KLK4: variants seen among roughly 807,000 people sequenced by gnomAD.
KLK4 encodes the protein kallikrein related peptidase 4.
A neutral mutation model predicts 24.3 loss-of-function variants in KLK4; 24 were observed. That is an observed-to-expected ratio of 0.99 (90% CI 0.72 to 1.39). The LOEUF is 1.39. KLK4 is among the 40% of genes most tolerant of loss of function. The probability of loss-of-function intolerance (pLI) is 0.00; values close to 1 mark genes in which losing one functional copy is unlikely to be tolerated. For missense variants in KLK4, 344 were observed against 327.4 expected (o/e 1.05, Z -0.39); for synonymous variants, 142 against 138.8 (o/e 1.02, Z -0.16).
chr19:50,909,353 C>A, exon 3 of KLK4: 2 of 1,614,214 alleles, frequency 1.2e-6, no homozygotes, highest in Non-Finnish European at 1.7e-6. Context: ...GCCAGGGCTG[C>A]GAGTGCGGGC....
intron 3 of KLK4, 114 bp from the exon 4 acceptor site, chr19:50,908,943 A>G (rs1472332480): frequency 6.5e-7 from 1 of 1,539,530 alleles, no homozygotes; most frequent in South Asian, 1.2e-5. Context: ...CCTCTTCGCT[A>G]AACACCCTAA....
intron 5 of KLK4, chr19:50,907,894 A>C: frequency 4.1e-6 from 1 of 245,884 alleles, no homozygotes; most frequent in South Asian, 5.6e-5. Flanking sequence ...ACAATTTAAA[A>C]AAATTCACAG....
chr19:50,908,195 T>A (rs1250264966), intron 5 of KLK4, 164 bp downstream of exon 5: 4 of 827,746 alleles, frequency 4.8e-6, no homozygotes, highest in Non-Finnish European at 5.9e-6. Flanking sequence ...TTCTCTTTAT[T>A]CCTGTGTTTA....
In KLK4 at chr19:50,911,013, C is replaced by T. The variant is rs1278970627; in HGVS notation, c.-11-264G>A. Among the ~76,000 whole-genome samples the T allele has an allele frequency of 2.0e-5, 3 of 152,086 alleles. No individual in the cohort carries two copies. The East Asian group carries it at 5.8e-4, about 29-fold the overall frequency. Reference sequence around the variant, plus strand: ...GGAAAGTTTAGAGAAAGCATCTAGCCATCTGTGAATGGGGAGAGATGGTGT... The same window carrying T: ...GGAAAGTTTAGAGAAAGCATCTAGCTATCTGTGAATGGGGAGAGATGGTGT... On this transcript the variant is annotated intron_variant, in intron 1 of 5. Transcript: ENST00000324041.
chr19:50,909,124 C>G, intron 3 of KLK4, 128 bp downstream of exon 3: 2 of 1,567,988 alleles, frequency 1.3e-6, no homozygotes, highest in Non-Finnish European at 1.7e-6. Flanking sequence ...CTCCCCGGAT[C>G]CAGGCTCATT....
rs140350753 is a variant in KLK4 at position 50,907,002 on chromosome 19, C to T, written c.697G>A (p.Val233Met). 1.7e-3 allele frequency: 2,748 copies of T among 1,614,134 alleles called. 3 individuals are homozygous for T. The highest frequency in any genetic ancestry group is 2.2e-3 in the Non-Finnish European group (2,541 of 1,180,022). Reference sequence around the variant, plus strand: ...CAGAGGTTGGTGTAGACACCTGGCACGCCAACTTGGCCACACGGGGCTTTT... The same window carrying T: ...CAGAGGTTGGTGTAGACACCTGGCATGCCAACTTGGCCACACGGGGCTTTT... Residue 233 changes from valine to methionine, a missense_variant, in exon 6 of 6, where the codon GTG (valine) becomes ATG (methionine). Coordinates refer to ENST00000324041, the Ensembl canonical transcript of KLK4.
chr19:50,906,543 G>C (rs1339290581), exon 6 of KLK4: 1 of 310,890 alleles, frequency 3.2e-6, no homozygotes, highest in African/African-American at 2.3e-5. Context: ...GAGGGGTTGG[G>C]GGCCTGGACC....
chr19:50,910,570 C>T lies in KLK4; in HGVS notation c.61+108G>A, dbSNP rs995588606. Reference sequence around the variant, plus strand: ...GGGGACGGATAACACGGTACCGTCTCACAGGCAGCTTTGCAGTCACAAGCA... The same window carrying T: ...GGGGACGGATAACACGGTACCGTCTTACAGGCAGCTTTGCAGTCACAAGCA... On this transcript the variant is annotated intron_variant, in intron 2 of 5. Coordinates refer to ENST00000324041, the Ensembl canonical transcript of KLK4. The surrounding 1 kb of genome is among the most constrained non-coding windows in gnomAD (Gnocchi z 4.4). 3 of 1,012,396 alleles carry T rather than the reference C, an allele frequency of 3.0e-6. No individual in the cohort carries two copies. Among genetic ancestry groups the T allele is most frequent in the Non-Finnish European group, 4.6e-6 (3 of 655,304 alleles). 62.7% of individuals were successfully genotyped at this position (1,012,396 alleles called of 1,614,324 possible).
At chr19:50,907,015 A>G (rs1458341093) in exon 6 of KLK4, 15 of 1,614,098 alleles carry the variant, frequency 9.3e-6, no homozygotes, top group South Asian at 1.1e-5. Flanking sequence ...CAACTTGGCC[A>G]CACGGGGCTT....
At chr19:50,909,257 G>C in exon 3 of KLK4, 1 of 1,614,122 alleles carries the variant, frequency 6.2e-7, no homozygotes, top group Non-Finnish European at 8.5e-7. Context: ...CTCACTTCTG[G>C]AAACAGTGTG....
In KLK4 at chr19:50,910,643, A is replaced by G; in HGVS notation, c.61+35T>C. The G allele has an allele frequency of 7.8e-6, 12 of 1,542,906 alleles. No homozygotes were observed. Among genetic ancestry groups the G allele is most frequent in the Non-Finnish European group, 1.1e-5 (12 of 1,138,694 alleles). On this transcript the variant is annotated intron_variant, in intron 2 of 5. Transcript: ENST00000324041. This position sits in a 1 kb window ranked among gnomAD's most constrained non-coding sequence, Gnocchi z 4.4. ...AACATTAACAAACACTGTGCCCCCA[A>G]GCACGGACAGACACACACACGCATA...
Position 50,910,681 on chromosome 19 carries a change from C to T in KLK4, c.58G>A (p.Ala20Thr), listed in dbSNP as rs144285392. The T allele has an allele frequency of 6.2e-5, 97 of 1,555,010 alleles. No individual in the cohort carries two copies. In the African/African-American group the frequency reaches 6.5e-4, roughly 10 times the overall value. The change falls in exon 2 of 6, where the codon GCA (alanine) becomes ACA (threonine). Residue 20 changes from alanine (A) to threonine (T), a missense_variant. Ala to Thr is a moderately conservative substitution (Grantham distance 58). Coordinates refer to ENST00000324041, the Ensembl canonical transcript of KLK4. The surrounding 1 kb of genome is among the most constrained non-coding windows in gnomAD (Gnocchi z 4.4). Reference sequence around the variant, plus strand: ...ACACACACGCATACTCAGATACCTGCGACACCAAGGATGAGGTACCCCAGG... The same window carrying T: ...ACACACACGCATACTCAGATACCTGTGACACCAAGGATGAGGTACCCCAGG...
chr19:50,909,789 C>A (rs529194789), intron 2 of KLK4, among the ~76,000 whole-genome samples: 1 of 150,450 alleles, frequency 6.6e-6, no homozygotes, highest in African/African-American at 2.5e-5. Flanking sequence ...GGTGCAGGAG[C>A]CTGGTCAGGG....
exon 6 of KLK4, chr19:50,906,620 G>A (rs12150961): frequency 0.04 from 5,478 of 138,582 alleles, 149 homozygotes; most frequent in African/African-American, 0.069. Flanking sequence ...GGGCTGGGGG[G>A]TCTGGACTCC....
At chr19:50,908,799 A>G in exon 4 of KLK4, 1 of 1,613,216 alleles carries the variant, frequency 6.2e-7, no homozygotes, top group Non-Finnish European at 8.5e-7. Context: ...CGGCCTCAAG[A>G]CTGTGCAGGC....
chr19:50,910,822 C>T lies in KLK4; in HGVS notation c.-11-73G>A. 3.8e-6 allele frequency: 5 copies of T among 1,309,292 alleles called. No individual in the cohort carries two copies. The highest frequency in any genetic ancestry group is 3.8e-5 in the South Asian group (3 of 79,188). The allele number at this position is 1,309,292 out of a possible 1,614,324, so 81.1% of individuals were successfully genotyped here. A position where few individuals can be genotyped will look rare whatever the true frequency, so the allele number is the denominator to read the frequency against. ...AAGTCTCTCCATCCCTCTCTTTGTC[C>T]CTCCCTTTCTTCCCTCTGGGACGTT... On this transcript the variant is annotated intron_variant, in intron 1 of 5. Transcript: ENST00000324041. This position sits in a 1 kb window ranked among gnomAD's most constrained non-coding sequence, Gnocchi z 4.4.
Position 50,907,755 on chromosome 19 carries a change from T to C in KLK4, c.612+604A>G, listed in dbSNP as rs190692581. On this transcript the variant is annotated intron_variant, in intron 5 of 5. Transcript: ENST00000324041. ...TGTTTCTCTTCGTGTTTCACCTCTA[T>C]GAATCTGTGTCACTGTTTCCCTCTG... 1.7e-3 allele frequency among the ~76,000 whole-genome samples: 253 copies of C among 152,300 alleles called. 1 individual carries two copies. Among genetic ancestry groups the C allele is most frequent in the African/African-American group, 5.7e-3 (238 of 41,568 alleles).
Position 50,910,604 on chromosome 19 carries a change from C to T in KLK4, c.61+74G>A. Reference sequence around the variant, plus strand: ...CTTTGCAGTCACAAGCAAGAGGACACTGAGTCACACCTGAACATTAACAAA... The same window carrying T: ...CTTTGCAGTCACAAGCAAGAGGACATTGAGTCACACCTGAACATTAACAAA... On this transcript the variant is annotated intron_variant, in intron 2 of 5. Coordinates refer to ENST00000324041, the Ensembl canonical transcript of KLK4. This position sits in a 1 kb window ranked among gnomAD's most constrained non-coding sequence, Gnocchi z 4.4. 7.2e-7 allele frequency: 1 copy of T among 1,383,408 alleles called. No homozygotes were observed. The allele number at this position is 1,383,408 out of a possible 1,614,324, so 85.7% of individuals were successfully genotyped here.
At chr19:50,908,821 G>A (rs763209597) in exon 4 of KLK4, 1 of 1,612,576 alleles carries the variant, frequency 6.2e-7, no homozygotes, top group South Asian at 1.1e-5. Context: ...CAGCCCGATG[G>A]TGTAGGAGCT....
Sources: gnomAD v4.1 joint callset for allele counts (sites outside exome capture counted in the v4.1 genomes callset) on GRCh38, gnomAD v4.1.1 for gene constraint, Gnocchi (gnomAD v3.1) non-coding constraint, MANE v1.5 for transcripts, NCBI Gene and HGNC (gene_info 2026-07-23, HGNC 2026-07-21) for gene names.